RCL1: variants seen among roughly 807,000 people sequenced by gnomAD.
RCL1 encodes RNA 3'-terminal phosphate cyclase-like protein.
RCL1 carries 24 observed loss-of-function variants against 42.4 expected under a neutral mutation model. The observed-to-expected ratio is 0.57, with a 90% CI of 0.41 to 0.80. The LOEUF is 0.80. Among genes scored for constraint, RCL1 ranks in the 30% least tolerant of loss-of-function variants. The probability of loss-of-function intolerance (pLI) is 0.00; values close to 1 mark genes in which losing one functional copy is unlikely to be tolerated. For synonymous variants in RCL1, 228 were observed against 177.3 expected (o/e 1.29, Z -2.27); for missense variants, 578 against 467.9 (o/e 1.24, Z -2.17).
intron 2 of RCL1, among the ~76,000 whole-genome samples, chr9:4,824,349 C>T (rs1816688821): frequency 6.7e-6 from 1 of 149,314 alleles, no homozygotes; most frequent in South Asian, 2.1e-4. Flanking sequence ...CAACATCATG[C>T]TCTTCATATT....
intron 8 of RCL1, among the ~76,000 whole-genome samples, chr9:4,855,188 G>C (rs1205504845): frequency 6.6e-6 from 1 of 151,986 alleles, no homozygotes; most frequent in Non-Finnish European, 1.5e-5. Context: ...TTTTGTCCCG[G>C]GGAAAAAAAA....
chr9:4,822,194 G>C (rs1587709308), intron 1 of RCL1, among the ~76,000 whole-genome samples: 1 of 152,184 alleles, frequency 6.6e-6, no homozygotes, highest in African/African-American at 2.4e-5. Flanking sequence ...TAGGTAGATG[G>C]GAATTGCTTA....
chr9:4,843,904 A>G (rs1448578487), intron 6 of RCL1, among the ~76,000 whole-genome samples: 5 of 152,298 alleles, frequency 3.3e-5, no homozygotes, highest in Middle Eastern at 3.4e-3. Context: ...ACAGTGTTAG[A>G]TTGTTAAGCA....
chr9:4,810,951 C>T (rs1017026371), intron 1 of RCL1, among the ~76,000 whole-genome samples: 6 of 151,980 alleles, frequency 3.9e-5, no homozygotes, highest in Non-Finnish European at 8.8e-5. Context: ...TTATTGGGCA[C>T]AGTGTGATAT....
intron 1 of RCL1, among the ~76,000 whole-genome samples, chr9:4,812,888 T>G (rs1165680656): frequency 1.3e-5 from 2 of 152,204 alleles, no homozygotes; most frequent in Non-Finnish European, 2.9e-5. Flanking sequence ...TGTTAGTATG[T>G]AAAAATGTTA....
chr9:4,839,887 G>GT, intron 5 of RCL1: 1 of 985,660 alleles, frequency 1.0e-6, no homozygotes, highest in Non-Finnish European at 1.2e-6. Context: ...TAACACTTGG[G>GT]TGCCGGCTGG....
rs151223276 is a variant in RCL1 at position 4,805,449 on chromosome 9, C to T, written c.136+12222C>T. ...CCAAAACCAAAAAACCCCAAATTTC[C>T]AGAGATCCTTCTTTGGATCCTTCTT... On this transcript the variant is annotated intron_variant, in intron 1 of 8. Coordinates refer to ENST00000381750, the MANE Select transcript of RCL1 (RefSeq NM_005772.5). Among the ~76,000 whole-genome samples the T allele has an allele frequency of 9.1e-4, 138 of 152,214 alleles. 2 individuals are homozygous for T. In the East Asian group the frequency reaches 0.02, roughly 22 times the overall value.
chr9:4,809,859 C>G (rs762489243), intron 1 of RCL1, among the ~76,000 whole-genome samples: 1 of 152,134 alleles, frequency 6.6e-6, no homozygotes, highest in Non-Finnish European at 1.5e-5. Context: ...CTCTGTCACC[C>G]AGGCTGGAAT....
chr9:4,796,666 C>T (rs978782499), intron 1 of RCL1, among the ~76,000 whole-genome samples: 1 of 152,192 alleles, frequency 6.6e-6, no homozygotes, highest in African/African-American at 2.4e-5. Context: ...TTCCAAATTG[C>T]TGGGATTACA....
chr9:4,795,660 T>C (rs1408490750), intron 1 of RCL1, among the ~76,000 whole-genome samples: 1 of 152,164 alleles, frequency 6.6e-6, no homozygotes, highest in Non-Finnish European at 1.5e-5. Flanking sequence ...TCAGAGCATA[T>C]CCAATAAAAT....
intron 5 of RCL1, 148 bp downstream of exon 5, chr9:4,834,413 T>TAA: frequency 3.8e-6 from 3 of 794,766 alleles, no homozygotes; most frequent in Non-Finnish European, 5.5e-6. Context: ...TTGTAATTGC[T>TAA]GGCTGAGTTA....
At chr9:4,832,869 C>T (rs574596589) in intron 3 of RCL1, among the ~76,000 whole-genome samples, 1 of 150,800 alleles carries the variant, frequency 6.6e-6, no homozygotes, top group African/African-American at 2.4e-5. Flanking sequence ...AGTCCAGTCT[C>T]TCCATGCTTT....
chr9:4,844,437 A>G lies in RCL1; in HGVS notation c.711-88A>G, dbSNP rs1817439551. 8 of 1,045,510 alleles carry G rather than the reference A, an allele frequency of 7.7e-6. No homozygotes were observed. In the South Asian group the frequency reaches 1.2e-4, roughly 15 times the overall value. 64.8% of individuals were successfully genotyped at this position (1,045,510 alleles called of 1,614,324 possible). Reference sequence around the variant, plus strand: ...GCCTTTGAACACAGTGCCGTCAAAAAAAATGTTTGTCTTCTCTTTCCGTTT... The same window carrying G: ...GCCTTTGAACACAGTGCCGTCAAAAGAAATGTTTGTCTTCTCTTTCCGTTT... On this transcript the variant is annotated intron_variant, in intron 6 of 8. Transcript: ENST00000381750.
At chr9:4,834,021 A>G in intron 4 of RCL1, 120 bp from the exon 5 acceptor site, 1 of 1,105,964 alleles carries the variant, frequency 9.0e-7, no homozygotes, top group Non-Finnish European at 1.3e-6. Context: ...GACAGATTGA[A>G]TATGGAAGAG....
chr9:4,799,274 G>GT (rs1335861300), intron 1 of RCL1, among the ~76,000 whole-genome samples: 1 of 151,926 alleles, frequency 6.6e-6, no homozygotes, highest in South Asian at 2.1e-4. Flanking sequence ...GTGCCTGGCC[G>GT]TAAGTGCTAC....
chr9:4,808,780 A>G (rs978150487), intron 1 of RCL1, among the ~76,000 whole-genome samples: 14 of 152,230 alleles, frequency 9.2e-5, no homozygotes, highest in Non-Finnish European at 1.6e-4. Context: ...AATTATCACA[A>G]TCAAGGGTAA....
intron 3 of RCL1, among the ~76,000 whole-genome samples, chr9:4,832,692 C>CG (rs762471912): frequency 2.0e-4 from 30 of 150,700 alleles, no homozygotes; most frequent in Non-Finnish European, 3.8e-4. Flanking sequence ...CCTGTAGTCC[C>CG]AGCTACTCAG....
At chr9:4,818,180 C>T (rs774770075) in intron 1 of RCL1, among the ~76,000 whole-genome samples, 6 of 152,204 alleles carry the variant, frequency 3.9e-5, no homozygotes, top group South Asian at 2.1e-4. Context: ...CTCGGCCTCC[C>T]ATAGTGCTGG....
At chr9:4,806,892 G>A (rs1036667954) in intron 1 of RCL1, among the ~76,000 whole-genome samples, 15 of 151,982 alleles carry the variant, frequency 9.9e-5, no homozygotes, top group African/African-American at 3.6e-4. Flanking sequence ...TTTTTTGGGA[G>A]TTTTTAGATT....
Sources: allele counts gnomAD v4.1 joint callset (sites outside exome capture counted in the v4.1 genomes callset), GRCh38; gene constraint gnomAD v4.1.1; transcripts MANE v1.5; gene names NCBI Gene and HGNC (gene_info 2026-07-23, HGNC 2026-07-21).